TGM6: variants seen among roughly 807,000 people sequenced by gnomAD.
The protein encoded by TGM6 is protein-glutamine gamma-glutamyltransferase 6.
TGM6 carries 74 observed loss-of-function variants against 77.5 expected under a neutral mutation model. The observed-to-expected ratio is 0.96, with a 90% CI of 0.79 to 1.16. The LOEUF is 1.16. Among genes scored for constraint, TGM6 ranks in the 50% most tolerant of loss-of-function variants. The pLI is 0.00. For synonymous variants in TGM6, 383 were observed against 378.9 expected (o/e 1.01, Z -0.12); for missense variants, 968 against 940.2 (o/e 1.03, Z -0.39).
At chr20:2,411,370 G>A (rs4461332) in intron 9 of TGM6, among the ~76,000 whole-genome samples, 23,710 of 151,820 alleles carry the variant, frequency 0.16, 2,002 homozygotes, top group East Asian at 0.25. Context: ...ATAATACACC[G>A]TATCAATAGA....
At chr20:2,398,290 ATATCT>A (rs1192707706) in intron 5 of TGM6, among the ~76,000 whole-genome samples, 2 of 152,104 alleles carry the variant, frequency 1.3e-5, no homozygotes, top group Non-Finnish European at 2.9e-5. Context: ...TCTTCTGGGG[ATATCT>A]TAATGACTGC....
chr20:2,390,888 C>G (rs559968178), intron 1 of TGM6, among the ~76,000 whole-genome samples: 19 of 151,872 alleles, frequency 1.3e-4, no homozygotes, highest in Non-Finnish European at 1.5e-5. Context: ...GAAGAGGGAG[C>G]CTGTCTGCAG....
intron 9 of TGM6, among the ~76,000 whole-genome samples, chr20:2,405,989 C>A (rs2084748012): frequency 6.6e-6 from 1 of 152,176 alleles, no homozygotes; most frequent in Admixed American, 6.5e-5. Flanking sequence ...TCTGTAGGCA[C>A]CCCCAATCTT....
At chr20:2,429,679 G>A (rs965662213) in intron 10 of TGM6, among the ~76,000 whole-genome samples, 1 of 151,818 alleles carries the variant, frequency 6.6e-6, no homozygotes, top group Non-Finnish European at 1.5e-5. Flanking sequence ...TGAGGCAGGA[G>A]AATTGCTTGA....
intron 1 of TGM6, among the ~76,000 whole-genome samples, chr20:2,391,500 G>T (rs980014355): frequency 6.6e-6 from 1 of 152,028 alleles, no homozygotes; most frequent in African/African-American, 2.4e-5. Context: ...TGAGCTGTGA[G>T]GGGGTGGGGG....
chr20:2,381,005 C>T, intron 1 of TGM6, 30 bp downstream of exon 1: 4 of 1,607,430 alleles, frequency 2.5e-6, no homozygotes, highest in East Asian at 2.2e-5. Context: ...GGCCTTGGGA[C>T]ACCAGGGCTC....
Position 2,427,427 on chromosome 20 carries a change from C to T in TGM6, c.1679-3019C>T, listed in dbSNP as rs188967842. On this transcript the variant is annotated intron_variant, in intron 10 of 12. Coordinates refer to ENST00000202625, the MANE Select transcript of TGM6 (RefSeq NM_198994.3). ...CATATTAGTAACTTGTGCCTTCTCT[C>T]TTTTTTTTCTGAGTTAGCCTTGCTA... 4.6e-3 allele frequency among the ~76,000 whole-genome samples: 698 copies of T among 152,088 alleles called. 4 individuals carry two copies. The highest frequency in any genetic ancestry group is 0.016 in the African/African-American group (665 of 41,518).
chr20:2,423,588 A>T (rs888498285), intron 10 of TGM6, among the ~76,000 whole-genome samples: 4 of 152,164 alleles, frequency 2.6e-5, no homozygotes, highest in Non-Finnish European at 5.9e-5. Context: ...CCTGCATTGA[A>T]ATCTTGAATG....
chr20:2,393,323 T>C (rs545922997), intron 1 of TGM6, among the ~76,000 whole-genome samples: 36 of 152,308 alleles, frequency 2.4e-4, no homozygotes, highest in Admixed American at 1.7e-3. Flanking sequence ...AACTAGGGTT[T>C]TTTTTGCATT....
Position 2,400,381 on chromosome 20 carries a change from G to A in TGM6, c.926G>A (p.Ser309Asn), listed in dbSNP as rs1222406514. 4 of 1,614,236 alleles carry A rather than the reference G, an allele frequency of 2.5e-6. No homozygotes were observed. Among genetic ancestry groups the A allele is most frequent in the Admixed American group, 3.3e-5 (2 of 60,032 alleles). ...GCCCACGACACAGACCAGAACCTGA[G>A]TGTGGACAAATACGTGGACTCCTTC... ...NSAHDTDQNLSVDKYVDSFGR... is the reference protein window; with the variant it reads ...NSAHDTDQNLNVDKYVDSFGR... Residue 309 changes from serine (S) to asparagine (N), a missense_variant, in exon 7 of 13, where the codon AGT (serine) becomes AAT (asparagine). Transcript: ENST00000202625.
At chr20:2,381,009 A>G in intron 1 of TGM6, 34 bp downstream of exon 1, 1 of 1,606,482 alleles carries the variant, frequency 6.2e-7, no homozygotes, top group East Asian at 2.2e-5. Context: ...TTGGGACACC[A>G]GGGCTCATGA....
intron 10 of TGM6, among the ~76,000 whole-genome samples, chr20:2,418,979 A>C (rs2084837937): frequency 6.6e-6 from 1 of 152,342 alleles, no homozygotes; most frequent in Middle Eastern, 3.4e-3. Flanking sequence ...CAGGAGGCTG[A>C]GGCAGGAGAC....
At chr20:2,386,455 AAAG>A (rs1254799860) in intron 1 of TGM6, among the ~76,000 whole-genome samples, 2 of 152,090 alleles carry the variant, frequency 1.3e-5, no homozygotes, top group African/African-American at 4.8e-5. Context: ...TCAAGGAGCA[AAAG>A]AAGAAGTGTG....
At chr20:2,392,682 C>A (rs537375953) in intron 1 of TGM6, among the ~76,000 whole-genome samples, 2 of 152,256 alleles carry the variant, frequency 1.3e-5, no homozygotes, top group East Asian at 3.9e-4. Context: ...GAGGCCAAGG[C>A]GGACAGATTG....
At chr20:2,431,083 G>C in intron 12 of TGM6, 56 bp downstream of exon 12, 1 of 1,572,196 alleles carries the variant, frequency 6.4e-7, no homozygotes. Context: ...TTGTGGATGA[G>C]CCAGAGAGAA....
At position 2,400,408 on chromosome 20, in the gene TGM6, G is replaced by T; in HGVS notation, c.953G>T (p.Gly318Val). The T allele has an allele frequency of 6.2e-7, 1 of 1,614,158 alleles. No homozygotes were observed. Residue 318 changes from glycine to valine, a missense_variant, in exon 7 of 13, where the codon GGG becomes GTG. Transcript: ENST00000202625. ...GTGGACAAATACGTGGACTCCTTCG[G>T]GCGGACCCTGGAGGACCTGACAGAA... The part of the protein sequence containing the change: ...LSVDKYVDSF[G>V]RTLEDLTEDS...
rs1211941068 is a variant in TGM6 at position 2,394,523 on chromosome 20, T to C, written c.79T>C (p.Cys27Arg). The C allele has an allele frequency of 6.2e-7, 1 of 1,611,712 alleles. No individual in the cohort carries two copies. The highest frequency in any genetic ancestry group is 8.5e-7 in the Non-Finnish European group (1 of 1,179,840). Residue 27 changes from cysteine to arginine, a missense_variant, in exon 2 of 13, where the codon TGC (cysteine) becomes CGC (arginine). Cys to Arg is a radical substitution (Grantham distance 180, BLOSUM62 -3). Coordinates refer to ENST00000202625, the MANE Select transcript of TGM6 (RefSeq NM_198994.3). ...GAAHHTQEYP[C>R]PELVVRRGQS... ...TGCCCACCACACCCAGGAGTACCCC[T>C]GCCCTGAGCTGGTGGTTCGCAGGGG...
chr20:2,410,687 T>A (rs113430485), intron 9 of TGM6, among the ~76,000 whole-genome samples: 2,004 of 152,112 alleles, frequency 0.013, 38 homozygotes, highest in African/African-American at 0.046. Context: ...ACTGTTAGAA[T>A]TGAATTGAAC....
chr20:2,385,765 C>T (rs1599942214), intron 1 of TGM6, among the ~76,000 whole-genome samples: 2 of 152,254 alleles, frequency 1.3e-5, no homozygotes, highest in South Asian at 4.1e-4. Flanking sequence ...GCATCAGCTC[C>T]CCATTCCGTA....
Sources: gnomAD v4.1 joint callset for allele counts (sites outside exome capture counted in the v4.1 genomes callset) on GRCh38, gnomAD v4.1.1 for gene constraint, MANE v1.5 for transcripts, NCBI Gene and HGNC (gene_info 2026-07-23, HGNC 2026-07-21) for gene names.